The following ADAMTSL3 variants were observed in gnomAD, a reference collection of about 807,000 sequenced individuals.
ADAMTSL3 encodes ADAMTS-like protein 3.
Under a neutral mutation model 201.7 loss-of-function variants are expected in ADAMTSL3, and 128 were observed. The ratio of observed to expected loss-of-function variants is 0.63; its 90% CI spans 0.55 to 0.73. The LOEUF is 0.73. Among genes scored for constraint, ADAMTSL3 ranks in the 30% least tolerant of loss-of-function variants. ADAMTSL3 has a pLI of 0.00. For missense variants in ADAMTSL3, 1,990 were observed against 2,119.6 expected, an observed-to-expected ratio of 0.94 and a Z score of 1.20; for synonymous variants, 738 against 748.4, an observed-to-expected ratio of 0.99 and a Z score of 0.23.
At chr15:83,709,929 C>CTTTCCT in intron 3 of ADAMTSL3, among the ~76,000 whole-genome samples, 1 of 152,190 alleles carries the variant, frequency 6.6e-6, no homozygotes, top group East Asian at 1.9e-4. Context: ...AATTGGGCCT[C>CTTTCCT]ATGCACACTT....
chr15:83,691,129 A>C (rs1158808043), intron 2 of ADAMTSL3, among the ~76,000 whole-genome samples: 1 of 152,214 alleles, frequency 6.6e-6, no homozygotes, highest in Non-Finnish European at 1.5e-5. Flanking sequence ...TGATTTAAGA[A>C]AATGCAATGA....
At chr15:84,015,036 C>G (rs1393437100) in intron 24 of ADAMTSL3, among the ~76,000 whole-genome samples, 1 of 152,062 alleles carries the variant, frequency 6.6e-6, no homozygotes, top group Non-Finnish European at 1.5e-5. Context: ...ACCTCTGCCT[C>G]CTGGGTTCAA....
At chr15:83,925,111 C>T (rs1346828831) in intron 17 of ADAMTSL3, among the ~76,000 whole-genome samples, 1 of 152,116 alleles carries the variant, frequency 6.6e-6, no homozygotes, top group African/African-American at 2.4e-5. Context: ...TTTCTCCTGC[C>T]TTGATTGCAT....
chr15:83,917,459 A>G (rs200513223), intron 16 of ADAMTSL3, among the ~76,000 whole-genome samples: 1 of 136,444 alleles, frequency 7.3e-6, no homozygotes, highest in African/African-American at 2.7e-5. Context: ...ATGTATGTAT[A>G]TGTATGTATG....
Position 83,871,082 on chromosome 15 carries a change from C to A in ADAMTSL3, c.960+123C>A, listed in dbSNP as rs2065072288. ...GTTTTTTATACAGAGCATGTGTCAT[C>A]AATATTTCCATCTTGGCAGTCCATT... On this transcript the variant is annotated intron_variant, in intron 9 of 29. Coordinates refer to ENST00000286744, the MANE Select transcript of ADAMTSL3 (RefSeq NM_207517.3). The A allele has an allele frequency of 2.7e-6, 3 of 1,092,908 alleles. No individual in the cohort carries two copies. In the South Asian group the frequency reaches 4.8e-5, roughly 17 times the overall value. The allele number at this position is 1,092,908 out of a possible 1,614,324, so 67.7% of individuals were successfully genotyped here.
intron 14 of ADAMTSL3, among the ~76,000 whole-genome samples, chr15:83,898,934 A>G (rs1335608868): frequency 6.6e-6 from 1 of 152,190 alleles, no homozygotes; most frequent in Non-Finnish European, 1.5e-5. Context: ...AGGTACAAAC[A>G]TTGACTACTT....
intron 3 of ADAMTSL3, among the ~76,000 whole-genome samples, chr15:83,714,200 C>T (rs1426844990): frequency 1.3e-5 from 2 of 152,216 alleles, no homozygotes; most frequent in African/African-American, 4.8e-5. Context: ...ACCCTATCTT[C>T]TAGCTTGGAC....
At chr15:83,886,768 C>T (rs74024593) in intron 10 of ADAMTSL3, among the ~76,000 whole-genome samples, 7 of 152,290 alleles carry the variant, frequency 4.6e-5, no homozygotes, top group African/African-American at 1.7e-4. Flanking sequence ...GAGGGCTCTT[C>T]AGTCAGTGAA....
intron 5 of ADAMTSL3, among the ~76,000 whole-genome samples, chr15:83,807,307 T>G (rs984565472): frequency 6.6e-6 from 1 of 151,790 alleles, no homozygotes; most frequent in African/African-American, 2.4e-5. Flanking sequence ...ATACAAAAAA[T>G]TAGCTGGGTG....
In ADAMTSL3 at chr15:83,862,687, G is replaced by GTCA. The variant is rs1373102372; in HGVS notation, c.802+3847_802+3848insTCA. 5 of 152,184 alleles carry GTCA rather than the reference G, an allele frequency of 3.3e-5. No homozygotes were observed. The East Asian group carries it at 7.7e-4, about 23-fold the overall frequency. The allele number at this position is 152,184 out of a possible 1,614,324, so 9.4% of individuals were successfully genotyped here. A position where few individuals can be genotyped will look rare whatever the true frequency, so the allele number is the denominator to read the frequency against. On this transcript the variant is annotated intron_variant, in intron 8 of 29. Transcript: ENST00000286744. ...AACATGCCAAATTGTAAATACCATT[G>GTCA]ATGCTAGGAAGAAACTGCATCAACT... is the stretch of plus-strand genomic sequence containing the variant.
chr15:83,838,047 C>G (rs1302972882), intron 6 of ADAMTSL3, 42 bp from the exon 7 acceptor site: 7 of 1,584,510 alleles, frequency 4.4e-6, no homozygotes, highest in Non-Finnish European at 6.0e-6. Context: ...CTCCCCCTCC[C>G]CTGGCTTTGG....
chr15:83,745,398 G>T (rs1276740092), intron 3 of ADAMTSL3, among the ~76,000 whole-genome samples: 1 of 152,154 alleles, frequency 6.6e-6, no homozygotes, highest in East Asian at 1.9e-4. Flanking sequence ...ACATGAAAAG[G>T]CAGAGAGCCC....
chr15:83,963,974 A>G (rs996275862), intron 19 of ADAMTSL3, among the ~76,000 whole-genome samples: 16 of 152,154 alleles, frequency 1.1e-4, no homozygotes, highest in Non-Finnish European at 2.9e-5. Flanking sequence ...CATCAACAAA[A>G]AGGATGTCCA....
intron 5 of ADAMTSL3, among the ~76,000 whole-genome samples, chr15:83,805,336 T>G (rs2063584541): frequency 6.6e-6 from 1 of 152,196 alleles, no homozygotes; most frequent in Non-Finnish European, 1.5e-5. Flanking sequence ...GGCAGGCAGA[T>G]CACTTTAGGT....
In ADAMTSL3 at chr15:83,835,602, C is replaced by T. The variant is rs183539749; in HGVS notation, c.601-2487C>T. Among the ~76,000 whole-genome samples, 14 of 152,256 alleles carry T rather than the reference C, an allele frequency of 9.2e-5. No homozygotes were observed. In the East Asian group the frequency reaches 2.5e-3, roughly 27 times the overall value. Reference sequence around the variant, plus strand: ...TCATTCTCATGAAATGCAGAGTGCTCAGGGACATGAATGTGTGAGGACAGA... The same window carrying T: ...TCATTCTCATGAAATGCAGAGTGCTTAGGGACATGAATGTGTGAGGACAGA... On this transcript the variant is annotated intron_variant, in intron 6 of 29. Coordinates refer to ENST00000286744, the MANE Select transcript of ADAMTSL3 (RefSeq NM_207517.3).
At chr15:83,689,230 C>G in intron 2 of ADAMTSL3, among the ~76,000 whole-genome samples, 1 of 152,146 alleles carries the variant, frequency 6.6e-6, no homozygotes, top group East Asian at 1.9e-4. Context: ...CACAATAATA[C>G]GTAAGATGGC....
chr15:83,919,066 A>G (rs1013148781), intron 16 of ADAMTSL3, among the ~76,000 whole-genome samples: 3 of 152,184 alleles, frequency 2.0e-5, no homozygotes, highest in Non-Finnish European at 4.4e-5. Context: ...GAGGGAACCC[A>G]TGAGTTCATT....
At chr15:83,885,322 A>C in intron 10 of ADAMTSL3, 110 bp downstream of exon 10, 28 of 806,410 alleles carry the variant, frequency 3.5e-5, no homozygotes, top group Middle Eastern at 2.9e-4. Flanking sequence ...GAGATGTCTC[A>C]TCACACAGCA....
chr15:83,720,139 A>C (rs1220706447), intron 3 of ADAMTSL3, among the ~76,000 whole-genome samples: 1 of 152,166 alleles, frequency 6.6e-6, no homozygotes, highest in Non-Finnish European at 1.5e-5. Flanking sequence ...GAATCACTTG[A>C]GTCTGGGAGG....
Sources: allele counts gnomAD v4.1 joint callset (sites outside exome capture counted in the v4.1 genomes callset), GRCh38; gene constraint gnomAD v4.1.1; transcripts MANE v1.5; gene names NCBI Gene and HGNC (gene_info 2026-07-23, HGNC 2026-07-21).